The following SORCS2 variants were observed in gnomAD, a reference collection of about 807,000 sequenced individuals.
SORCS2 encodes the protein VPS10 domain-containing receptor SorCS2.
Under a neutral mutation model 141.6 loss-of-function variants are expected in SORCS2, and 100 were observed. That is an observed-to-expected ratio of 0.71 (90% CI 0.60 to 0.83). The LOEUF (loss-of-function observed/expected upper bound fraction) is 0.83. Ranked by LOEUF, SORCS2 falls within the 40% of genes least tolerant of loss-of-function variation. The pLI is 0.00. For synonymous variants in SORCS2, 789 were observed against 676.9 expected, an observed-to-expected ratio of 1.17 and a Z score of -2.57; for missense variants, 1,646 against 1,560.2, an observed-to-expected ratio of 1.05 and a Z score of -0.93.
At chr4:7,224,440 A>G (rs907324041) in intron 1 of SORCS2, among the ~76,000 whole-genome samples, 1 of 151,836 alleles carries the variant, frequency 6.6e-6, no homozygotes, top group Non-Finnish European at 1.5e-5. Context: ...GCTTTGGCCA[A>G]GTCGTGTCCT....
chr4:7,715,408 C>G, intron 17 of SORCS2, 97 bp downstream of exon 17: 1 of 1,537,098 alleles, frequency 6.5e-7, no homozygotes. Context: ...CTGCAGCTCC[C>G]AACTCCCAAG....
At chr4:7,282,048 G>A (rs1021815918) in intron 1 of SORCS2, among the ~76,000 whole-genome samples, 4 of 152,112 alleles carry the variant, frequency 2.6e-5, no homozygotes, top group African/African-American at 4.8e-5. Context: ...CCTCACTTTG[G>A]CCCCCACCGC....
chr4:7,681,159 G>A (rs563268456), intron 9 of SORCS2, among the ~76,000 whole-genome samples: 2 of 152,162 alleles, frequency 1.3e-5, no homozygotes, highest in Non-Finnish European at 2.9e-5. Context: ...TCAGGGGAGG[G>A]ACTGCACTGG....
intron 1 of SORCS2, among the ~76,000 whole-genome samples, chr4:7,350,667 C>G (rs561287143): frequency 6.6e-6 from 1 of 152,326 alleles, no homozygotes; most frequent in Non-Finnish European, 1.5e-5. Context: ...TGGGCAGTGA[C>G]CAGGCCCGTG....
chr4:7,599,826 T>C (rs1717537222), intron 3 of SORCS2, among the ~76,000 whole-genome samples: 1 of 150,170 alleles, frequency 6.7e-6, no homozygotes, highest in African/African-American at 2.4e-5. Flanking sequence ...CTTTTTTCTT[T>C]TTTTTTTTTT....
intron 2 of SORCS2, among the ~76,000 whole-genome samples, chr4:7,480,191 A>C (rs1416163634): frequency 1.3e-5 from 2 of 152,198 alleles, no homozygotes; most frequent in Non-Finnish European, 2.9e-5. Context: ...CTTTGCCCTG[A>C]AGCAGGGACA....
intron 1 of SORCS2, among the ~76,000 whole-genome samples, chr4:7,355,956 C>T (rs923379581): frequency 2.6e-5 from 4 of 152,256 alleles, no homozygotes; most frequent in African/African-American, 9.6e-5. Context: ...GCCCTCTGCC[C>T]TCCCTTCCTT....
At chr4:7,255,905 AGCG>A (rs1713835545) in intron 1 of SORCS2, among the ~76,000 whole-genome samples, 7 of 5,472 alleles carry the variant, frequency 1.3e-3, no homozygotes, top group South Asian at 5.7e-3. Context: ...CCGGGGCTGG[AGCG>A]TGGGGCCCCG....
chr4:7,700,131 C>T (rs974645664), intron 12 of SORCS2, among the ~76,000 whole-genome samples: 3 of 152,254 alleles, frequency 2.0e-5, no homozygotes, highest in Non-Finnish European at 4.4e-5. Context: ...GCCCCTCTGT[C>T]TCCAGCCTGT....
intron 2 of SORCS2, among the ~76,000 whole-genome samples, chr4:7,404,608 T>A (rs1048598122): frequency 6.6e-6 from 1 of 152,216 alleles, no homozygotes; most frequent in African/African-American, 2.4e-5. Flanking sequence ...ATTGGTGATG[T>A]TGAGCATTTT....
At chr4:7,602,111 C>CCCCACACTT (rs1717735636) in intron 3 of SORCS2, among the ~76,000 whole-genome samples, 1 of 152,252 alleles carries the variant, frequency 6.6e-6, no homozygotes, top group Admixed American at 6.5e-5. Context: ...TCTTTCCTTT[C>CCCCACACTT]CCCACACTTC....
At chr4:7,466,668 G>A (rs562207495) in intron 2 of SORCS2, among the ~76,000 whole-genome samples, 1 of 152,292 alleles carries the variant, frequency 6.6e-6, no homozygotes, top group African/African-American at 2.4e-5. Flanking sequence ...GACTGAGCCC[G>A]GGGAGCAGGG....
At chr4:7,730,208 C>T (rs1711556610) in intron 23 of SORCS2, among the ~76,000 whole-genome samples, 1 of 152,166 alleles carries the variant, frequency 6.6e-6, no homozygotes. Context: ...GGGAAGGGGA[C>T]TCAAAGATGA....
chr4:7,587,358 G>A (rs1199982010), intron 3 of SORCS2, among the ~76,000 whole-genome samples: 2 of 152,206 alleles, frequency 1.3e-5, no homozygotes, highest in Non-Finnish European at 2.9e-5. Flanking sequence ...ATCGGGGACC[G>A]TAGTGCCTAC....
chr4:7,724,928 GGTA>G lies in SORCS2; in HGVS notation c.2612-220_2612-218del, dbSNP rs201634505. Among the ~76,000 whole-genome samples, 44 of 85,022 alleles carry G rather than the reference GGTA, an allele frequency of 5.2e-4. 5 individuals are homozygous for G. The highest frequency in any genetic ancestry group is 2.1e-3 in the Admixed American group (17 of 8,006). The allele number at this position is 85,022 out of a possible 152,430, so 55.8% of individuals were successfully genotyped here. A position where few individuals can be genotyped will look rare whatever the true frequency, so the allele number is the denominator to read the frequency against. On this transcript the variant is annotated intron_variant, in intron 19 of 26. Transcript: ENST00000507866. ...GATAGTATTGGTGGGAATGGATGGT[GGTA>G]GTAGTGGTGATGGTGGTGGTGTTGG... is the stretch of plus-strand genomic sequence containing the variant.
At chr4:7,350,437 G>A (rs781498039) in intron 1 of SORCS2, among the ~76,000 whole-genome samples, 4 of 152,224 alleles carry the variant, frequency 2.6e-5, no homozygotes, top group Non-Finnish European at 5.9e-5. Context: ...GGAGGGCCTC[G>A]GGTGCCCTGC....
At chr4:7,433,388 G>A (rs1376466269) in intron 2 of SORCS2, 7 of 1,496,170 alleles carry the variant, frequency 4.7e-6, no homozygotes, top group Non-Finnish European at 6.2e-6. Context: ...GCGTTGCACA[G>A]CTTGGCGGCC....
At chr4:7,597,547 AGGGAAGGAGCTGTTGCAATAG>A (rs1717359398) in intron 3 of SORCS2, among the ~76,000 whole-genome samples, 1 of 141,276 alleles carries the variant, frequency 7.1e-6, no homozygotes, top group Non-Finnish European at 1.5e-5. Flanking sequence ...CTATTGCAAT[AGGGAAGGAGCTGTTGCAATAG>A]GGGAAGGGGC....
At chr4:7,370,025 A>C (rs530607550) in intron 1 of SORCS2, among the ~76,000 whole-genome samples, 6 of 152,348 alleles carry the variant, frequency 3.9e-5, no homozygotes, top group East Asian at 1.9e-4. Flanking sequence ...AGATAAGAAG[A>C]AGCAGCCACG....
Sources: allele counts gnomAD v4.1 joint callset (sites outside exome capture counted in the v4.1 genomes callset), GRCh38; gene constraint gnomAD v4.1.1; transcripts MANE v1.5; gene names NCBI Gene and HGNC (gene_info 2026-07-23, HGNC 2026-07-21).